Variants in SRP54 observed in about 807,000 individuals in gnomAD.
The protein encoded by SRP54 is signal recognition particle subunit SRP54.
In SRP54, 10 loss-of-function variants were observed where a neutral mutation model predicts 64.8. The ratio of observed to expected loss-of-function variants is 0.15; its 90% CI spans 0.10 to 0.26. The LOEUF (loss-of-function observed/expected upper bound fraction) is 0.26. Among genes scored for constraint, SRP54 ranks in the 10% least tolerant of loss-of-function variants. The pLI, the probability that SRP54 is intolerant of heterozygous loss-of-function variation, is 1.00. For synonymous variants in SRP54, 193 were observed against 185.6 expected, an observed-to-expected ratio of 1.04 and a Z score of -0.32; for missense variants, 325 against 613.7, an observed-to-expected ratio of 0.53 and a Z score of 4.97.
intron 1 of SRP54, among the ~76,000 whole-genome samples, chr14:34,984,627 G>C (rs911774000): frequency 1.3e-5 from 2 of 152,058 alleles, no homozygotes; most frequent in African/African-American, 2.4e-5. Context: ...TCAGCCTTCC[G>C]AGTAGCTGGG....
chr14:34,987,281 A>G (rs1262171098), intron 1 of SRP54, among the ~76,000 whole-genome samples: 2 of 123,556 alleles, frequency 1.6e-5, no homozygotes, highest in East Asian at 4.9e-4. Context: ...GTGTGTATAT[A>G]TATATACACA....
rs1343631939 is a variant in SRP54 at position 35,019,071 on chromosome 14, C to G, written c.1153C>G (p.Gln385Glu). 1 of 1,605,056 alleles carries G rather than the reference C, an allele frequency of 6.2e-7. No individual in the cohort carries two copies. Among genetic ancestry groups the G allele is most frequent in the South Asian group, 1.1e-5 (1 of 90,632 alleles). ...GACAATAATGGATAGTATGAATGAT[C>G]AAGGTAAGATGGCAGATTATTTTCC... Reference protein sequence around the residue: ...LMTIMDSMNDQELDSTDGAKV... With the variant: ...LMTIMDSMNDEELDSTDGAKV... The change falls in exon 13 of 16, where the codon CAA (glutamine) becomes GAA (glutamate). Residue 385 changes from glutamine (Q) to glutamate (E), a missense_variant. By Grantham distance (29) the Gln-to-Glu change is conservative. Transcript: ENST00000216774.
rs563980070 is a variant in SRP54, at chr14:35,026,212, TTTTG to T, written c.1328-1864_1328-1861del. On this transcript the variant is annotated intron_variant, in intron 14 of 15. Coordinates refer to ENST00000216774, the MANE Select transcript of SRP54 (RefSeq NM_003136.4). The stretch of plus-strand genomic sequence containing the variant: ...TTGTTGTTGTTTATTTTTTGTTGTT[TTTTG>T]TTTGTTTGTTTTGTTTTGTTTTGAG... 6.4e-3 allele frequency among the ~76,000 whole-genome samples: 970 copies of T among 152,134 alleles called. 7 individuals are homozygous for T. Among genetic ancestry groups the T allele is most frequent in the Non-Finnish European group, 9.7e-3 (659 of 67,994 alleles).
chr14:35,006,168 G>A (rs1446465677), intron 4 of SRP54, among the ~76,000 whole-genome samples: 1 of 152,120 alleles, frequency 6.6e-6, no homozygotes, highest in Non-Finnish European at 1.5e-5. Context: ...TTAATTTGGA[G>A]ACTGTCCCTA....
intron 14 of SRP54, among the ~76,000 whole-genome samples, chr14:35,026,640 T>C (rs575272326): frequency 7.2e-5 from 11 of 152,308 alleles, no homozygotes; most frequent in African/African-American, 2.4e-4. Context: ...TCTGAAGGTT[T>C]TCATTACTTA....
chr14:34,986,039 G>T (rs1167984904), intron 1 of SRP54, among the ~76,000 whole-genome samples: 3 of 151,968 alleles, frequency 2.0e-5, no homozygotes, highest in Non-Finnish European at 4.4e-5. Flanking sequence ...TTTATGTAAA[G>T]ATTCTTTTTA....
intron 1 of SRP54, among the ~76,000 whole-genome samples, chr14:34,985,068 C>T (rs1213983964): frequency 2.0e-5 from 3 of 152,274 alleles, no homozygotes; most frequent in Non-Finnish European, 4.4e-5. Flanking sequence ...CAATGGCTCA[C>T]GCCTGTAATC....
At chr14:34,983,420 T>C (rs765407705) in intron 1 of SRP54, among the ~76,000 whole-genome samples, 1 of 152,230 alleles carries the variant, frequency 6.6e-6, no homozygotes, top group Non-Finnish European at 1.5e-5. Flanking sequence ...TGAGTTGTCT[T>C]CCGATTTACC....
At chr14:34,986,111 A>T (rs983858461) in intron 1 of SRP54, among the ~76,000 whole-genome samples, 1 of 151,456 alleles carries the variant, frequency 6.6e-6, no homozygotes, top group Non-Finnish European at 1.5e-5. Context: ...CTGAGTTATT[A>T]CCTCTTGTTG....
chr14:35,011,428 A>G, intron 7 of SRP54, 81 bp from the exon 8 acceptor site: 1 of 1,179,834 alleles, frequency 8.5e-7, no homozygotes, highest in Non-Finnish European at 1.1e-6. Flanking sequence ...TTCAAAATAG[A>G]TTATAGGTAA....
At chr14:35,008,350 GTTGT>G (rs2044300322) in intron 5 of SRP54, among the ~76,000 whole-genome samples, 1 of 152,082 alleles carries the variant, frequency 6.6e-6, no homozygotes, top group Non-Finnish European at 1.5e-5. Flanking sequence ...TCGTTTTGTT[GTTGT>G]TTGTTTTTAA....
At chr14:35,022,322 A>G (rs981477384) in intron 13 of SRP54, among the ~76,000 whole-genome samples, 2 of 151,760 alleles carry the variant, frequency 1.3e-5, no homozygotes, top group Non-Finnish European at 2.9e-5. Flanking sequence ...TTTATAGCTT[A>G]TGAATACTAT....
chr14:35,014,020 T>C (rs532534716), intron 10 of SRP54, 118 bp downstream of exon 10: 27 of 713,170 alleles, frequency 3.8e-5, no homozygotes, highest in Non-Finnish European at 6.2e-5. Context: ...TTCTGTGACT[T>C]AGTTTCCTTA....
Position 35,011,576 on chromosome 14 carries a change from GA to G in SRP54, c.556del (p.Ile186LeufsTer35). On this transcript the variant is annotated frameshift_variant, in exon 8 of 16. Coordinates refer to ENST00000216774, the MANE Select transcript of SRP54 (RefSeq NM_003136.4). LOFTEE classifies it high-confidence loss of function. ...GVEKFKNENF[E>X]IIIVDTSGRH... ...AGAGAAATTTAAAAATGAAAATTTT[GA>G]AATTATTATTGTTGATACAAGTGGC... is the stretch of plus-strand genomic sequence containing the variant. The G allele has an allele frequency of 6.3e-7, 1 of 1,585,282 alleles. No individual in the cohort carries two copies. Among genetic ancestry groups the G allele is most frequent in the Non-Finnish European group, 8.6e-7 (1 of 1,161,988 alleles).
chr14:35,001,135 T>G (rs975437165), intron 4 of SRP54, 115 bp downstream of exon 4: 2 of 379,494 alleles, frequency 5.3e-6, no homozygotes, highest in Non-Finnish European at 4.5e-6. Context: ...TCATCTGTAT[T>G]AAAATATTAA....
At chr14:35,008,752 T>C in intron 6 of SRP54, 22 bp from the exon 7 acceptor site, 1 of 1,605,204 alleles carries the variant, frequency 6.2e-7, no homozygotes, top group East Asian at 2.2e-5. Context: ...GTTTGAGGAT[T>C]CATGAACTCT....
chr14:35,006,458 C>T (rs2138994208), intron 4 of SRP54, among the ~76,000 whole-genome samples: 1 of 152,262 alleles, frequency 6.6e-6, no homozygotes, highest in South Asian at 2.1e-4. Flanking sequence ...ATATAAAATA[C>T]ACACCAGGTT....
In SRP54 at chr14:35,029,258, TATC is replaced by T. The variant is rs1566659327; in HGVS notation, c.*109_*111del. The T allele has an allele frequency of 2.8e-6, 2 of 726,422 alleles. No homozygotes were observed. The highest frequency in any genetic ancestry group is 2.9e-5 in the Admixed American group (1 of 34,180). 45.0% of individuals were successfully genotyped at this position (726,422 alleles called of 1,614,324 possible). ...GGGGGGAAAGTGTATTTTTCTTGCT[TATC>T]ATGCACTCTTTCCTTTTCTTCTCGC... On this transcript the variant is annotated 3_prime_UTR_variant, in exon 16 of 16. Coordinates refer to ENST00000216774, the MANE Select transcript of SRP54 (RefSeq NM_003136.4).
At chr14:35,000,226 T>C (rs2138982494) in intron 3 of SRP54, among the ~76,000 whole-genome samples, 1 of 152,312 alleles carries the variant, frequency 6.6e-6, no homozygotes, top group African/African-American at 2.4e-5. Flanking sequence ...CTCCTTGTAT[T>C]GTTAGACTGA....
Sources: gnomAD v4.1 joint callset for allele counts (sites outside exome capture counted in the v4.1 genomes callset) on GRCh38, gnomAD v4.1.1 for gene constraint, MANE v1.5 for transcripts, NCBI Gene and HGNC (gene_info 2026-07-23, HGNC 2026-07-21) for gene names.